The following PLCG1 variants were observed in gnomAD, a reference collection of about 807,000 sequenced individuals.
PLCG1 encodes the protein 1-phosphatidylinositol 4,5-bisphosphate phosphodiesterase gamma-1.
A neutral mutation model predicts 177.8 loss-of-function variants in PLCG1; 71 were observed. The ratio of observed to expected loss-of-function variants is 0.40; its 90% CI spans 0.33 to 0.49. The LOEUF (loss-of-function observed/expected upper bound fraction) is 0.49, where lower values mean the gene tolerates loss of function less well. Ranked by LOEUF, PLCG1 falls within the 20% of genes least tolerant of loss-of-function variation. The pLI is 0.72. For missense variants in PLCG1, 1,281 were observed against 1,709.0 expected (o/e 0.75, Z 4.42); for synonymous variants, 658 against 647.9 (o/e 1.02, Z -0.24).
In PLCG1 at chr20:41,159,724, A is replaced by G. The variant is rs1202599431; in HGVS notation, c.336A>G (p.Gly112=). The G allele has an allele frequency of 6.2e-7, 1 of 1,613,992 alleles. No individual in the cohort carries two copies. The highest frequency in any genetic ancestry group is 8.5e-7 in the Non-Finnish European group (1 of 1,180,024). ...DQSHCFVILY[G]MEFRLKTLSL... is the part of the protein sequence containing the mutation. ...CACATTGCTTTGTCATTCTCTATGG[A>G]ATGGAATTTCGCCTGAAAACGCTGA... The change falls in exon 2 of 32, where the codon GGA becomes GGG. Residue 112 remains glycine (G), a synonymous_variant. Coordinates refer to ENST00000685551, the MANE Select transcript of PLCG1 (RefSeq NM_002660.3). This position sits in a 1 kb window ranked among gnomAD's most constrained non-coding sequence, Gnocchi z 6.0.
intron 1 of PLCG1, among the ~76,000 whole-genome samples, chr20:41,140,073 C>T (rs2034771235): frequency 1.3e-5 from 2 of 152,132 alleles, no homozygotes; most frequent in Admixed American, 6.5e-5. Flanking sequence ...GGCAGGCATA[C>T]AGAGGACCTG....
chr20:41,143,150 C>A lies in PLCG1; in HGVS notation c.217+5292C>A, dbSNP rs189951980. Among the ~76,000 whole-genome samples, 389 of 152,324 alleles carry A rather than the reference C, an allele frequency of 2.6e-3. 2 individuals are homozygous for A. The highest frequency in any genetic ancestry group is 4.3e-3 in the Non-Finnish European group (294 of 68,022). On this transcript the variant is annotated intron_variant, in intron 1 of 31. Coordinates refer to ENST00000685551, the MANE Select transcript of PLCG1 (RefSeq NM_002660.3). Reference sequence around the variant, plus strand: ...TATGATATTGTCCTATTTCTAAGTGCCTAGCCCAGGACGCTATCTGGAGAG... The same window carrying A: ...TATGATATTGTCCTATTTCTAAGTGACTAGCCCAGGACGCTATCTGGAGAG...
rs1168708506 is a variant in PLCG1 at position 41,157,490 on chromosome 20, C to G, written c.218-2116C>G. Reference sequence around the variant, plus strand: ...GAGTATAACTGTTCATTTTTGTTCCCCATCCCTATTTGGTTTTCCCTCCTT... The same window carrying G: ...GAGTATAACTGTTCATTTTTGTTCCGCATCCCTATTTGGTTTTCCCTCCTT... On this transcript the variant is annotated intron_variant, in intron 1 of 31. Transcript: ENST00000685551. The surrounding 1 kb of genome is among the most constrained non-coding windows in gnomAD (Gnocchi z 5.4). 6.6e-6 allele frequency among the ~76,000 whole-genome samples: 1 copy of G among 152,132 alleles called. No homozygotes were observed.
rs921370153 is a variant in PLCG1 at position 41,147,904 on chromosome 20, G to C, written c.217+10046G>C. 6.6e-6 allele frequency among the ~76,000 whole-genome samples: 1 copy of C among 151,990 alleles called. No individual in the cohort carries two copies. The highest frequency in any genetic ancestry group is 2.4e-5 in the African/African-American group (1 of 41,386). On this transcript the variant is annotated intron_variant, in intron 1 of 31. Transcript: ENST00000685551. This position sits in a 1 kb window ranked among gnomAD's most constrained non-coding sequence, Gnocchi z 4.0. Reference sequence around the variant, plus strand: ...TTCTGGGCAGGCAGTGAGTGAATGAGATCCCTGGCACCTTGGAGTGAGATC... The same window carrying C: ...TTCTGGGCAGGCAGTGAGTGAATGACATCCCTGGCACCTTGGAGTGAGATC...
chr20:41,166,544 C>T lies in PLCG1; in HGVS notation c.2069C>T (p.Ala690Val). ...HMLMRVPRDG[A>V]FLVRKRNEPN... is the part of the protein sequence containing the mutation. ...CTAATGCGCGTCCCTCGTGATGGGG[C>T]CTTCCTGGTGCGGAAGCGGAATGAA... The change falls in exon 18 of 32, where the codon GCC becomes GTC. Residue 690 changes from alanine to valine, a missense_variant. This residue lies in a region of PLCG1 where 723 missense variants were observed against 1,030.0 expected (regional missense o/e 0.70). Coordinates refer to ENST00000685551, the MANE Select transcript of PLCG1 (RefSeq NM_002660.3). The surrounding 1 kb of genome is among the most constrained non-coding windows in gnomAD (Gnocchi z 8.6). The T allele has an allele frequency of 6.2e-7, 1 of 1,614,146 alleles. No individual in the cohort carries two copies. The highest frequency in any genetic ancestry group is 8.5e-7 in the Non-Finnish European group (1 of 1,180,022).
chr20:41,171,623 A>T (rs2035901819), intron 24 of PLCG1, among the ~76,000 whole-genome samples: 2 of 149,998 alleles, frequency 1.3e-5, no homozygotes, highest in Non-Finnish European at 1.5e-5. Context: ...ACTGAAAGAA[A>T]GTCCTCCAGG....
intron 1 of PLCG1, among the ~76,000 whole-genome samples, chr20:41,138,990 C>T (rs923509880): frequency 9.9e-5 from 15 of 152,026 alleles, no homozygotes; most frequent in African/African-American, 3.6e-4. Context: ...TTAGAGAGAC[C>T]CAGGCTCAGA....
chr20:41,174,124 C>G lies in PLCG1; in HGVS notation c.3646C>G (p.Gln1216Glu). The change falls in exon 31 of 32, where the codon CAG becomes GAG. Residue 1216 changes from glutamine (Q) to glutamate (E), a missense_variant and splice_region_variant. Physicochemically the swap from Gln to Glu is conservative, Grantham distance 29. Transcript: ENST00000685551. The surrounding 1 kb of genome is among the most constrained non-coding windows in gnomAD (Gnocchi z 5.8). ...TCTTGTGCACCTGGCTTCGTTGAAG[C>G]AGGAGAATGGTGACCTCAGTCCCTT... ...LIKIDIFPAK[Q>E]ENGDLSPFSG... is the part of the protein sequence containing the mutation. 1 of 1,612,650 alleles carries G rather than the reference C, an allele frequency of 6.2e-7. No individual in the cohort carries two copies. Among genetic ancestry groups the G allele is most frequent in the Non-Finnish European group, 8.5e-7 (1 of 1,178,822 alleles).
Position 41,165,199 on chromosome 20 carries a change from G to C in PLCG1, c.1387-46G>C. ...GGCCTAAACCTGGGTGAGGAGGTGG[G>C]GTGAGGACTGGGGTCTGCATTGCCC... On this transcript the variant is annotated intron_variant, in intron 13 of 31. Transcript: ENST00000685551. The surrounding 1 kb of genome is among the most constrained non-coding windows in gnomAD (Gnocchi z 6.6). 1 of 1,610,102 alleles carries C rather than the reference G, an allele frequency of 6.2e-7. No homozygotes were observed. The highest frequency in any genetic ancestry group is 8.5e-7 in the Non-Finnish European group (1 of 1,177,608).
chr20:41,140,979 C>A (rs1010870575), intron 1 of PLCG1, among the ~76,000 whole-genome samples: 1 of 152,180 alleles, frequency 6.6e-6, no homozygotes, highest in Non-Finnish European at 1.5e-5. Flanking sequence ...CACGTGGCTC[C>A]TCTGTGAGAC....
chr20:41,174,381 C>T lies in PLCG1; in HGVS notation c.3833+70C>T. 1.9e-6 allele frequency: 3 copies of T among 1,602,012 alleles called. No individual in the cohort carries two copies. In the South Asian group the frequency reaches 3.3e-5, roughly 18 times the overall value. ...GGTCCTCCTTCTTCAGTGTTTCTTT[C>T]TCCTGGGTAGAAAAGTTGTAATATT... On this transcript the variant is annotated intron_variant, in intron 31 of 31. Transcript: ENST00000685551. The surrounding 1 kb of genome is among the most constrained non-coding windows in gnomAD (Gnocchi z 5.8).
At chr20:41,138,617 G>T (rs930934542) in intron 1 of PLCG1, among the ~76,000 whole-genome samples, 2 of 152,090 alleles carry the variant, frequency 1.3e-5, no homozygotes, top group Admixed American at 6.6e-5. Flanking sequence ...CCCCATAAAG[G>T]CCTGCCCCAG....
In PLCG1 at chr20:41,157,204, C is replaced by CTGTG. The variant is rs35980938; in HGVS notation, c.218-2368_218-2365dup. 0.12 allele frequency among the ~76,000 whole-genome samples: 17,635 copies of CTGTG among 143,888 alleles called. 1,405 individuals are homozygous for CTGTG. The highest frequency in any genetic ancestry group is 0.22 in the African/African-American group (8,378 of 37,270). 94.4% of individuals were successfully genotyped at this position (143,888 alleles called of 152,430 possible). ...GTGCAGGAGTGCAGGCCTGTTGACT[C>CTGTG]TGTGTGTGTGTGTGTGTGTGTGTGT... is the stretch of plus-strand genomic sequence containing the variant. On this transcript the variant is annotated intron_variant, in intron 1 of 31. Coordinates refer to ENST00000685551, the MANE Select transcript of PLCG1 (RefSeq NM_002660.3). This position sits in a 1 kb window ranked among gnomAD's most constrained non-coding sequence, Gnocchi z 5.4.
chr20:41,168,499 G>A (rs967722989), intron 20 of PLCG1, among the ~76,000 whole-genome samples: 1 of 152,244 alleles, frequency 6.6e-6, no homozygotes, highest in Non-Finnish European at 1.5e-5. Flanking sequence ...GGTTCTCCCT[G>A]TGGCCCAGGG....
In PLCG1 at chr20:41,165,719, C is replaced by A. The variant is rs777695220; in HGVS notation, c.1692C>A (p.Ile564=). The A allele has an allele frequency of 6.2e-7, 1 of 1,613,734 alleles. No individual in the cohort carries two copies. Among genetic ancestry groups the A allele is most frequent in the African/African-American group, 1.3e-5 (1 of 74,942 alleles). Residue 564 remains isoleucine, a synonymous_variant, in exon 16 of 32, where the codon ATC becomes ATA. Coordinates refer to ENST00000685551, the MANE Select transcript of PLCG1 (RefSeq NM_002660.3). The surrounding 1 kb of genome is among the most constrained non-coding windows in gnomAD (Gnocchi z 6.6). ...GGGCAGGGCGTGACGGGCGTCACAT[C>A]GCTGAGCGCCTGCTTACTGAGTACT... ...KLGAGRDGRH[I]AERLLTEYCI...
chr20:41,165,411 A>G lies in PLCG1; in HGVS notation c.1510-39A>G. Reference sequence around the variant, plus strand: ...TGGGGGTGGTAGGCCAGTGGGTGTGAGGACCCTGGCTCACAAGTCCCTCTT... The same window carrying G: ...TGGGGGTGGTAGGCCAGTGGGTGTGGGGACCCTGGCTCACAAGTCCCTCTT... On this transcript the variant is annotated intron_variant, in intron 14 of 31. Coordinates refer to ENST00000685551, the MANE Select transcript of PLCG1 (RefSeq NM_002660.3). The surrounding 1 kb of genome is among the most constrained non-coding windows in gnomAD (Gnocchi z 6.6). 1 of 1,613,810 alleles carries G rather than the reference A, an allele frequency of 6.2e-7. No individual in the cohort carries two copies. Among genetic ancestry groups the G allele is most frequent in the South Asian group, 1.1e-5 (1 of 91,058 alleles).
In PLCG1 at chr20:41,163,648, A is replaced by T. The variant is rs958259507; in HGVS notation, c.892-67A>T. ...CAGAGCACTCTCTCTCCTACCCCCA[A>T]CCTACCATCTTGGGTTGGACAGGGC... On this transcript the variant is annotated intron_variant, in intron 9 of 31. Transcript: ENST00000685551. The surrounding 1 kb of genome is among the most constrained non-coding windows in gnomAD (Gnocchi z 5.2). The T allele has an allele frequency of 2.2e-5, 27 of 1,203,698 alleles. No homozygotes were observed. In the Admixed American group the frequency reaches 3.0e-4, roughly 14 times the overall value. 74.6% of individuals were successfully genotyped at this position (1,203,698 alleles called of 1,614,324 possible).
Position 41,165,631 on chromosome 20 carries a change from C to T in PLCG1, c.1612-8C>T, listed in dbSNP as rs2035658577. 2 of 1,612,354 alleles carry T rather than the reference C, an allele frequency of 1.2e-6. No homozygotes were observed. The highest frequency in any genetic ancestry group is 1.7e-5 in the Admixed American group (1 of 59,958). On this transcript the variant is annotated splice_region_variant and splice_polypyrimidine_tract_variant and intron_variant, in intron 15 of 31. Transcript: ENST00000685551. This position sits in a 1 kb window ranked among gnomAD's most constrained non-coding sequence, Gnocchi z 6.6. ...CACAGTATCTTTGCTGTTGCCTTCC[C>T]CTGACAGGTCAGCAGCAGCACAGAG...
Position 41,169,645 on chromosome 20 carries a change from A to C in PLCG1, c.2650+119A>C, listed in dbSNP as rs932257067. On this transcript the variant is annotated intron_variant, in intron 23 of 31. Coordinates refer to ENST00000685551, the MANE Select transcript of PLCG1 (RefSeq NM_002660.3). ...GAACCCCAAAGTCTGCCCTCACTCC[A>C]AGCTCTCCCCATGCTCTGGACATCC... is the stretch of plus-strand genomic sequence containing the variant. 1.9e-5 allele frequency: 15 copies of C among 775,926 alleles called. No homozygotes were observed. The East Asian group carries it at 3.0e-4, about 15-fold the overall frequency. 48.1% of individuals were successfully genotyped at this position (775,926 alleles called of 1,614,324 possible). A position where few individuals can be genotyped will look rare whatever the true frequency, so the allele number is the denominator to read the frequency against.
Sources: gnomAD v4.1 joint callset for allele counts (sites outside exome capture counted in the v4.1 genomes callset) on GRCh38, gnomAD v4.1.1 for gene constraint, gnomAD v4.1.1 regional missense constraint, Gnocchi (gnomAD v3.1) non-coding constraint, MANE v1.5 for transcripts, NCBI Gene and HGNC (gene_info 2026-07-23, HGNC 2026-07-21) for gene names.